Variants in AFF4 observed in about 807,000 individuals in gnomAD.
The protein encoded by AFF4 is ALF transcription elongation factor 4.
AFF4 carries 13 observed loss-of-function variants against 124.8 expected under a neutral mutation model. The ratio of observed to expected loss-of-function variants is 0.10; its 90% CI spans 0.07 to 0.17. The LOEUF (loss-of-function observed/expected upper bound fraction) is 0.17, where lower values mean the gene tolerates loss of function less well. Among genes scored for constraint, AFF4 ranks in the 10% least tolerant of loss-of-function variants. The pLI is 1.00. For synonymous variants in AFF4, 477 were observed against 496.1 expected (o/e 0.96, Z 0.51); for missense variants, 1,092 against 1,403.8 (o/e 0.78, Z 3.55).
chr5:132,933,065 C>T (rs74334648), intron 3 of AFF4, among the ~76,000 whole-genome samples: 2,379 of 152,300 alleles, frequency 0.016, 71 homozygotes, highest in African/African-American at 0.055. Flanking sequence ...ACTGACGTCA[C>T]TTTCCAAATT....
rs566099754 is a variant in AFF4 at position 132,875,980 on chromosome 5, TCAAA to T, written c.*5075_*5078del. ...TCCCCTCCAAAACCCTCCCCAAATATCAAACAATTATATACCAAATAATTTTAAT... is the reference window on the plus strand; with the variant it reads ...TCCCCTCCAAAACCCTCCCCAAATATCAATTATATACCAAATAATTTTAAT... On this transcript the variant is annotated 3_prime_UTR_variant, in exon 21 of 21. Coordinates refer to ENST00000265343, the MANE Select transcript of AFF4 (RefSeq NM_014423.4). The T allele has an allele frequency of 1.0e-3, 236 of 225,806 alleles. 2 individuals are homozygous for T. The highest frequency in any genetic ancestry group is 3.7e-3 in the African/African-American group (167 of 45,014). 14.0% of individuals were successfully genotyped at this position (225,806 alleles called of 1,614,324 possible).
At chr5:132,890,355 A>C (rs1055000586) in intron 13 of AFF4, among the ~76,000 whole-genome samples, 2 of 151,844 alleles carry the variant, frequency 1.3e-5, no homozygotes, top group Non-Finnish European at 1.5e-5. Flanking sequence ...CTGTGGCTTC[A>C]ACCTCCTGGG....
At chr5:132,892,866 T>G (rs1760297453) in intron 12 of AFF4, among the ~76,000 whole-genome samples, 164 bp downstream of exon 12, 1 of 152,188 alleles carries the variant, frequency 6.6e-6, no homozygotes, top group Non-Finnish European at 1.5e-5. Flanking sequence ...CCATCCCTAT[T>G]AGCTAAAAGT....
In AFF4 at chr5:132,880,944, G is replaced by T; in HGVS notation, c.*115C>A. ...AAAACAACAACACATGAACCAACGAGGAGAAAACTATTCCTCATTCTTAGT... is the reference window on the plus strand; with the variant it reads ...AAAACAACAACACATGAACCAACGATGAGAAAACTATTCCTCATTCTTAGT... On this transcript the variant is annotated 3_prime_UTR_variant, in exon 21 of 21. Coordinates refer to ENST00000265343, the MANE Select transcript of AFF4 (RefSeq NM_014423.4). The T allele has an allele frequency of 7.4e-7, 1 of 1,349,216 alleles. No homozygotes were observed. The highest frequency in any genetic ancestry group is 1.0e-6 in the Non-Finnish European group (1 of 996,202). The allele number at this position is 1,349,216 out of a possible 1,614,324, so 83.6% of individuals were successfully genotyped here.
At chr5:132,951,519 G>A (rs369334752) in intron 1 of AFF4, among the ~76,000 whole-genome samples, 13 of 152,200 alleles carry the variant, frequency 8.5e-5, no homozygotes, top group South Asian at 6.2e-4. Flanking sequence ...ACCATTCTCA[G>A]GAATTTCTTT....
At chr5:132,885,196 CT>C in intron 18 of AFF4, 77 bp from the exon 19 acceptor site, 1 of 1,170,034 alleles carries the variant, frequency 8.5e-7, no homozygotes, top group Non-Finnish European at 1.2e-6. Flanking sequence ...TATTTAAAAG[CT>C]TTGGGCAAGA....
Position 132,926,207 on chromosome 5 carries a change from G to C in AFF4, c.1050+914C>G, listed in dbSNP as rs767897498. On this transcript the variant is annotated intron_variant, in intron 5 of 20. Coordinates refer to ENST00000265343, the MANE Select transcript of AFF4 (RefSeq NM_014423.4). ...TATTACATGAATATAAAAAAGACTT[G>C]CAAAGGTACTTAGGAAAGGAGCTCT... The C allele has an allele frequency of 1.9e-5, 9 of 484,006 alleles. 1 individual carries two copies. The highest frequency in any genetic ancestry group is 1.1e-4 in the South Asian group (7 of 64,728). The allele number at this position is 484,006 out of a possible 1,614,324, so 30.0% of individuals were successfully genotyped here.
intron 5 of AFF4, among the ~76,000 whole-genome samples, chr5:132,912,002 G>A (rs57076016): frequency 0.035 from 5,260 of 151,768 alleles, 288 homozygotes; most frequent in African/African-American, 0.12. Context: ...AAATGGAAAG[G>A]CAAAATAAAG....
In AFF4 at chr5:132,963,395, G is replaced by T. The variant is rs970574967; in HGVS notation, c.-141C>A. ...GGCTGCCAAGGGCGAGGGGCTCCGG[G>T]AGGCGGCGGGGGTTCCGGAGGCCTC... On this transcript the variant is annotated 5_prime_UTR_variant, in exon 1 of 21. Transcript: ENST00000265343. The T allele has an allele frequency of 2.5e-6, 1 of 398,036 alleles. No individual in the cohort carries two copies. The highest frequency in any genetic ancestry group is 4.4e-5 in the Admixed American group (1 of 22,698). 24.7% of individuals were successfully genotyped at this position (398,036 alleles called of 1,614,324 possible).
chr5:132,920,215 A>C (rs1035089588), intron 5 of AFF4, among the ~76,000 whole-genome samples: 5 of 151,690 alleles, frequency 3.3e-5, no homozygotes, highest in Non-Finnish European at 7.4e-5. Context: ...ATGTCTGGCT[A>C]ATTTTTATAT....
Position 132,881,032 on chromosome 5 carries a change from A to G in AFF4, c.*27T>C, listed in dbSNP as rs759395221. The stretch of plus-strand genomic sequence containing the variant: ...GATGTGACACAGTGTTGTGGAGAAA[A>G]TCAGAGGCAACGAGAATGTGTTCAG... On this transcript the variant is annotated 3_prime_UTR_variant, in exon 21 of 21. Transcript: ENST00000265343. 5.0e-6 allele frequency: 8 copies of G among 1,608,242 alleles called. No homozygotes were observed. The Admixed American group carries it at 1.4e-4, about 28-fold the overall frequency.
intron 10 of AFF4, 54 bp from the exon 11 acceptor site, chr5:132,897,294 TCTCC>T (rs1760432156): frequency 1.3e-6 from 2 of 1,551,386 alleles, no homozygotes; most frequent in Admixed American, 1.9e-5. Context: ...CTTTTTTCGT[TCTCC>T]CTCCTTTACA....
intron 1 of AFF4, among the ~76,000 whole-genome samples, chr5:132,947,121 C>G (rs1223904026): frequency 6.6e-6 from 1 of 152,134 alleles, no homozygotes. Flanking sequence ...AAATTTAAAA[C>G]AACCGAGCGT....
rs535761014 is a variant in AFF4 at position 132,918,251 on chromosome 5, G to C, written c.1050+8870C>G. ...TTACTAAGAGTATAAAGATTAGCTG[G>C]GTGTGGTGGCACTGGTCTGTAATCC... On this transcript the variant is annotated intron_variant, in intron 5 of 20. Transcript: ENST00000265343. Among the ~76,000 whole-genome samples the C allele has an allele frequency of 1.4e-4, 22 of 152,060 alleles. No individual in the cohort carries two copies. The South Asian group carries it at 4.6e-3, about 32-fold the overall frequency.
rs1241673498 is a variant in AFF4 at position 132,935,073 on chromosome 5, G to A, written c.124-132C>T. ...GGGAGGCTTTACCTCATATCTTAAC[G>A]TTAATACCTTGAAGCAAACTCCAAA... On this transcript the variant is annotated intron_variant, in intron 2 of 20. Coordinates refer to ENST00000265343, the MANE Select transcript of AFF4 (RefSeq NM_014423.4). The A allele has an allele frequency of 3.1e-5, 19 of 618,142 alleles. No homozygotes were observed. In the East Asian group the frequency reaches 4.2e-4, roughly 14 times the overall value. 38.3% of individuals were successfully genotyped at this position (618,142 alleles called of 1,614,324 possible). A position where few individuals can be genotyped will look rare whatever the true frequency, so the allele number is the denominator to read the frequency against.
intron 1 of AFF4, among the ~76,000 whole-genome samples, chr5:132,938,115 T>A (rs56356379): frequency 0.027 from 4,079 of 149,058 alleles, 66 homozygotes; most frequent in Non-Finnish European, 0.04. Context: ...TTTTTTTTTT[T>A]AAAAAAAAAG....
At chr5:132,887,710 G>A in intron 16 of AFF4, 118 bp from the exon 17 acceptor site, 1 of 1,487,418 alleles carries the variant, frequency 6.7e-7, no homozygotes, top group African/African-American at 1.4e-5. Flanking sequence ...AATACTCATT[G>A]AAGTATCTAC....
At position 132,926,702 on chromosome 5, in the gene AFF4, T is replaced by TC. The variant is rs1171968491; in HGVS notation, c.1050+418_1050+419insG. The TC allele has an allele frequency of 1.5e-3, 60 of 40,734 alleles. 1 individual carries two copies. The highest frequency in any genetic ancestry group is 4.4e-3 in the African/African-American group (57 of 13,000). The allele number at this position is 40,734 out of a possible 1,614,324, so 2.5% of individuals were successfully genotyped here. A position where few individuals can be genotyped will look rare whatever the true frequency, so the allele number is the denominator to read the frequency against. Reference sequence around the variant, plus strand: ...CGGGCCTGTGCCACTATGCCAAGCTTTTTTTTTTTTTTTTTTTTTTTTTTC... The same window carrying TC: ...CGGGCCTGTGCCACTATGCCAAGCTTCTTTTTTTTTTTTTTTTTTTTTTTTC... On this transcript the variant is annotated intron_variant, in intron 5 of 20. Transcript: ENST00000265343.
chr5:132,953,057 C>T (rs1244257365), intron 1 of AFF4, among the ~76,000 whole-genome samples: 1 of 151,868 alleles, frequency 6.6e-6, no homozygotes. Context: ...GGGCTAGGCA[C>T]TACCATGCCT....
Sources: gnomAD v4.1 joint callset for allele counts (sites outside exome capture counted in the v4.1 genomes callset) on GRCh38, gnomAD v4.1.1 for gene constraint, MANE v1.5 for transcripts, NCBI Gene and HGNC (gene_info 2026-07-23, HGNC 2026-07-21) for gene names.